Variants in KNDC1 observed in about 807,000 individuals in gnomAD.
KNDC1 encodes kinase non-catalytic C-lobe domain containing 1.
A neutral mutation model predicts 172.8 loss-of-function variants in KNDC1; 106 were observed. That is an observed-to-expected ratio of 0.61 (90% CI 0.52 to 0.72). The LOEUF (loss-of-function observed/expected upper bound fraction) is 0.72, where lower values mean the gene tolerates loss of function less well. Among genes scored for constraint, KNDC1 ranks in the 30% least tolerant of loss-of-function variants. KNDC1 has a pLI of 0.00. For missense variants in KNDC1, 2,325 were observed against 2,394.5 expected (o/e 0.97, Z 0.61); for synonymous variants, 1,083 against 1,062.2 (o/e 1.02, Z -0.38).
At position 133,161,971 on chromosome 10, in the gene KNDC1, C is replaced by T. The variant is rs191584277; in HGVS notation, c.102+1402C>T. ...CCACAGGCTGTCTTTCTGCACACTC[C>T]CCACTCCCGCTCCCCACCCCCACGC... On this transcript the variant is annotated intron_variant, in intron 1 of 29. Coordinates refer to ENST00000304613, the MANE Select transcript of KNDC1 (RefSeq NM_152643.8). Among the ~76,000 whole-genome samples, 1,154 of 152,230 alleles carry T rather than the reference C, an allele frequency of 7.6e-3. 2 individuals are homozygous for T. Among genetic ancestry groups the T allele is most frequent in the Non-Finnish European group, 0.013 (863 of 68,010 alleles).
chr10:133,211,684 AC>A lies in KNDC1; in HGVS notation c.4066del (p.Leu1356TrpfsTer109), dbSNP rs1357824752. 4 of 1,595,370 alleles carry A rather than the reference AC, an allele frequency of 2.5e-6. No homozygotes were observed. Among genetic ancestry groups the A allele is most frequent in the South Asian group, 1.1e-5 (1 of 89,642 alleles). On this transcript the variant is annotated frameshift_variant, in exon 23 of 30. Coordinates refer to ENST00000304613, the MANE Select transcript of KNDC1 (RefSeq NM_152643.8). LOFTEE classifies it high-confidence loss of function. The part of the protein sequence containing the change: ...LEDFISSKIL[P>X]LDGSAKHLLG... ...ACCACTGTGCTTCTGCCTAGATCCT[AC>A]CCCTGGACGGCTCTGCCAAGCACCT...
At position 133,212,798 on chromosome 10, in the gene KNDC1, T is replaced by C. The variant is rs1174121956; in HGVS notation, c.4319T>C (p.Leu1440Pro). 9 of 1,613,886 alleles carry C rather than the reference T, an allele frequency of 5.6e-6. No individual in the cohort carries two copies. The highest frequency in any genetic ancestry group is 7.6e-6 in the Non-Finnish European group (9 of 1,179,968). ...CGCCCCTACACCATTGCTGCCGCCC[T>C]GCCCAAGCCCTGCTTCCTCGAGGAC... is the stretch of plus-strand genomic sequence containing the variant. Reference protein sequence around the residue: ...KERPYTIAAALPKPCFLEDFY... With the variant: ...KERPYTIAAAPPKPCFLEDFY... Residue 1440 changes from leucine to proline, a missense_variant, in exon 24 of 30, where the codon CTG becomes CCG. Physicochemically the swap from Leu to Pro is moderately conservative, Grantham distance 98 (BLOSUM62 -3). Transcript: ENST00000304613.
At position 133,214,007 on chromosome 10, in the gene KNDC1, G is replaced by A. The variant is rs761002826; in HGVS notation, c.4562G>A (p.Cys1521Tyr). The change falls in exon 26 of 30, where the codon TGC becomes TAC. Residue 1521 changes from cysteine (C) to tyrosine (Y), a missense_variant. Physicochemically the swap from Cys to Tyr is radical, Grantham distance 194. Transcript: ENST00000304613. ...TCTGAGTCTCTTTCGGCCAAAACCTGCAGCTTATTTCTGCCCAATTACGTT... is the reference window on the plus strand; with the variant it reads ...TCTGAGTCTCTTTCGGCCAAAACCTACAGCTTATTTCTGCCCAATTACGTT... Reference protein sequence around the residue: ...SSSESLSAKTCSLFLPNYVQD... With the variant: ...SSSESLSAKTYSLFLPNYVQD... The A allele has an allele frequency of 1.9e-6, 3 of 1,614,188 alleles. No homozygotes were observed. Among genetic ancestry groups the A allele is most frequent in the Non-Finnish European group, 2.5e-6 (3 of 1,179,988 alleles).
intron 17 of KNDC1, among the ~76,000 whole-genome samples, chr10:133,204,967 C>T (rs546109539): frequency 8.5e-6 from 1 of 118,018 alleles, no homozygotes; most frequent in Non-Finnish European, 1.9e-5. Context: ...AGGCCCAGCT[C>T]CCATGGACCC....
intron 9 of KNDC1, among the ~76,000 whole-genome samples, chr10:133,190,876 C>T (rs906832351): frequency 5.9e-5 from 9 of 152,310 alleles, no homozygotes; most frequent in Non-Finnish European, 8.8e-5. Context: ...AAACCGCGTC[C>T]GTGAGGCTGC....
chr10:133,165,679 G>A (rs1486479755), intron 1 of KNDC1, among the ~76,000 whole-genome samples: 3 of 152,268 alleles, frequency 2.0e-5, no homozygotes, highest in Admixed American at 6.5e-5. Flanking sequence ...GCGCCTGCGT[G>A]TGCAGGTGCA....
intron 26 of KNDC1, among the ~76,000 whole-genome samples, chr10:133,215,583 C>G (rs1039308530): frequency 3.9e-5 from 6 of 152,256 alleles, no homozygotes; most frequent in African/African-American, 1.4e-4. Context: ...TAAACCAGAG[C>G]CTTCACGCAC....
At chr10:133,205,782 T>C (rs1160834873) in intron 17 of KNDC1, among the ~76,000 whole-genome samples, 1 of 151,760 alleles carries the variant, frequency 6.6e-6, no homozygotes, top group African/African-American at 2.4e-5. Flanking sequence ...TTGCAGTGAG[T>C]TGTGATCGCG....
chr10:133,191,576 T>C (rs1225911692), intron 9 of KNDC1, among the ~76,000 whole-genome samples: 1 of 152,076 alleles, frequency 6.6e-6, no homozygotes, highest in African/African-American at 2.4e-5. Flanking sequence ...GGTGTGCACC[T>C]ATAATCCCAG....
intron 7 of KNDC1, among the ~76,000 whole-genome samples, chr10:133,189,392 A>G (rs1342923088): frequency 4.6e-5 from 7 of 152,020 alleles, no homozygotes; most frequent in Non-Finnish European, 1.0e-4. Context: ...GGGCAGCGCT[A>G]CCCTCGGGGA....
chr10:133,210,110 G>A (rs377115188), intron 20 of KNDC1, among the ~76,000 whole-genome samples: 7 of 152,060 alleles, frequency 4.6e-5, no homozygotes, highest in African/African-American at 1.7e-4. Context: ...GTTCAGCAGG[G>A]CACGGTGGCT....
At chr10:133,187,874 C>A (rs55687155) in intron 6 of KNDC1, among the ~76,000 whole-genome samples, 2 of 149,846 alleles carry the variant, frequency 1.3e-5, no homozygotes, top group Non-Finnish European at 3.0e-5. Flanking sequence ...CCACACGAAA[C>A]CCCAACCCCC....
rs1854236530 is a variant in KNDC1 at position 133,197,778 on chromosome 10, T to A, written c.1906+10T>A. On this transcript the variant is annotated intron_variant, in intron 12 of 29. Transcript: ENST00000304613. ...CCAGAGCCCAGCCCAGGTGGGGACC[T>A]GACCAGCCCCTGCTGCCCCACCAGC... The A allele has an allele frequency of 2.5e-6, 4 of 1,599,910 alleles. No individual in the cohort carries two copies. The East Asian group carries it at 8.9e-5, about 36-fold the overall frequency.
chr10:133,204,225 C>G (rs1451973107), intron 17 of KNDC1, among the ~76,000 whole-genome samples: 1 of 152,230 alleles, frequency 6.6e-6, no homozygotes, highest in Non-Finnish European at 1.5e-5. Context: ...CCAACCTCAA[C>G]CTGCCCAGCC....
chr10:133,206,486 G>A (rs906391643), intron 17 of KNDC1, among the ~76,000 whole-genome samples, 199 bp from the exon 18 acceptor site: 3 of 151,688 alleles, frequency 2.0e-5, no homozygotes, highest in African/African-American at 7.2e-5. Context: ...TGAGCCTGGG[G>A]GCAGCCCAGG....
chr10:133,167,328 C>T (rs887686368), intron 1 of KNDC1, 53 bp from the exon 2 acceptor site: 28 of 1,502,938 alleles, frequency 1.9e-5, no homozygotes, highest in Admixed American at 6.1e-5. Flanking sequence ...GTGGGGGTGC[C>T]GGGGCCTGGC....
chr10:133,172,649 G>A (rs541621304), intron 3 of KNDC1, among the ~76,000 whole-genome samples: 1 of 152,148 alleles, frequency 6.6e-6, no homozygotes, highest in Non-Finnish European at 1.5e-5. Context: ...TCACTTACAG[G>A]GCCACCTGTT....
chr10:133,188,410 C>G, intron 6 of KNDC1, 129 bp from the exon 7 acceptor site: 1 of 615,022 alleles, frequency 1.6e-6, no homozygotes, highest in Non-Finnish European at 2.9e-6. Context: ...GCCCTTCTAT[C>G]AGGTGTGGGG....
intron 3 of KNDC1, among the ~76,000 whole-genome samples, chr10:133,182,822 G>A (rs1423157409): frequency 6.6e-6 from 1 of 152,232 alleles, no homozygotes; most frequent in Non-Finnish European, 1.5e-5. Context: ...CTGCGCGGGC[G>A]GCGAGGGCGC....
Sources: allele counts gnomAD v4.1 joint callset (sites outside exome capture counted in the v4.1 genomes callset), GRCh38; gene constraint gnomAD v4.1.1; transcripts MANE v1.5; gene names NCBI Gene and HGNC (gene_info 2026-07-23, HGNC 2026-07-21).